Variants in GLRA3 observed in about 807,000 individuals in gnomAD.
The protein encoded by GLRA3 is glycine receptor alpha 3.
Under a neutral mutation model 60.4 loss-of-function variants are expected in GLRA3, and 44 were observed. The ratio of observed to expected loss-of-function variants is 0.73; its 90% confidence interval spans 0.57 to 0.94. GLRA3 has a LOEUF of 0.94. Ranked by LOEUF, GLRA3 falls within the 40% of genes least tolerant of loss-of-function variation. The pLI, the probability that GLRA3 is intolerant of heterozygous loss-of-function variation, is 0.00. For synonymous variants in GLRA3, 223 were observed against 192.9 expected, an observed-to-expected ratio of 1.16 and a Z score of -1.29; for missense variants, 508 against 564.6, an observed-to-expected ratio of 0.90 and a Z score of 1.02.
chr4:174,781,591 G>C (rs1267627366), intron 2 of GLRA3, among the ~76,000 whole-genome samples: 1 of 149,952 alleles, frequency 6.7e-6, no homozygotes, highest in African/African-American at 2.5e-5. Context: ...GAAAAAAAGA[G>C]AGAAGAATCA....
At chr4:174,774,352 ATGTGTGTGTGTATGTG>A (rs927273667) in intron 2 of GLRA3, among the ~76,000 whole-genome samples, 3 of 147,038 alleles carry the variant, frequency 2.0e-5, no homozygotes, top group Non-Finnish European at 4.6e-5. Context: ...GTGTAAATGT[ATGTGTGTGTGTATGTG>A]TGTGTGTGTG....
chr4:174,645,009 A>G (rs1732761067), intron 9 of GLRA3, among the ~76,000 whole-genome samples: 2 of 152,034 alleles, frequency 1.3e-5, no homozygotes, highest in Admixed American at 6.6e-5. Flanking sequence ...TTATTTGGCT[A>G]CTAAATTGAA....
At position 174,805,527 on chromosome 4, in the gene GLRA3, G is replaced by A. The variant is rs369661999; in HGVS notation, c.72-16584C>T. Among the ~76,000 whole-genome samples, 6 of 152,024 alleles carry A rather than the reference G, an allele frequency of 3.9e-5. No individual in the cohort carries two copies. In the East Asian group the frequency reaches 5.8e-4, roughly 15 times the overall value. On this transcript the variant is annotated intron_variant, in intron 1 of 9. Coordinates refer to ENST00000274093, the MANE Select transcript of GLRA3 (RefSeq NM_006529.4). Reference sequence around the variant, plus strand: ...ATTTCACTGAGCCATCTTGGAATCAGCTTCTCTATTTCAGTCAAGACTTCC... The same window carrying A: ...ATTTCACTGAGCCATCTTGGAATCAACTTCTCTATTTCAGTCAAGACTTCC...
intron 5 of GLRA3, among the ~76,000 whole-genome samples, chr4:174,715,248 A>G (rs1451364319): frequency 6.6e-6 from 1 of 152,230 alleles, no homozygotes; most frequent in African/African-American, 2.4e-5. Context: ...GGAAACACAT[A>G]TCTAAATATC....
chr4:174,699,550 G>A (rs2111042139), intron 5 of GLRA3, among the ~76,000 whole-genome samples: 2 of 152,192 alleles, frequency 1.3e-5, no homozygotes, highest in Middle Eastern at 6.8e-3. Context: ...ATGCAGGAAA[G>A]CACTAATTCC....
At chr4:174,802,675 G>A (rs1739863930) in intron 1 of GLRA3, among the ~76,000 whole-genome samples, 1 of 151,894 alleles carries the variant, frequency 6.6e-6, no homozygotes, top group African/African-American at 2.4e-5. Flanking sequence ...GTGAGCAATG[G>A]GATCTAAACT....
intron 7 of GLRA3, among the ~76,000 whole-genome samples, chr4:174,666,972 C>T (rs941635645): frequency 6.6e-6 from 1 of 151,934 alleles, no homozygotes; most frequent in East Asian, 1.9e-4. Flanking sequence ...CAAACAACCA[C>T]AAAATTTCAC....
At chr4:174,653,877 G>C (rs28413965) in intron 9 of GLRA3, among the ~76,000 whole-genome samples, 1 of 151,860 alleles carries the variant, frequency 6.6e-6, no homozygotes, top group Non-Finnish European at 1.5e-5. Flanking sequence ...GATTTTCAGA[G>C]AATATAGCTA....
chr4:174,645,604 A>T (rs1318667617), intron 9 of GLRA3, among the ~76,000 whole-genome samples: 1 of 152,116 alleles, frequency 6.6e-6, no homozygotes, highest in Non-Finnish European at 1.5e-5. Flanking sequence ...AAGTAACGTG[A>T]TTCCACCTGC....
At position 174,786,202 on chromosome 4, in the gene GLRA3, T is replaced by A. The variant is rs550335119; in HGVS notation, c.199+2614A>T. Among the ~76,000 whole-genome samples the A allele has an allele frequency of 2.0e-5, 3 of 152,262 alleles. No homozygotes were observed. In the South Asian group the frequency reaches 6.2e-4, roughly 32 times the overall value. ...AGGAAAGCATACATAACACCAATTT[T>A]AAATTAGTTCATTTGATGAGCTAAC... On this transcript the variant is annotated intron_variant, in intron 2 of 9. Transcript: ENST00000274093.
intron 9 of GLRA3, among the ~76,000 whole-genome samples, chr4:174,651,573 T>A (rs12507854): frequency 6.6e-6 from 1 of 152,008 alleles, no homozygotes; most frequent in Non-Finnish European, 1.5e-5. Flanking sequence ...TGTTTTAAAC[T>A]CAGAGTAACC....
chr4:174,655,425 T>A (rs1337078240), intron 9 of GLRA3, among the ~76,000 whole-genome samples: 3 of 152,250 alleles, frequency 2.0e-5, no homozygotes, highest in Non-Finnish European at 4.4e-5. Flanking sequence ...GTTTCTTCTA[T>A]AAAAATAAGA....
At chr4:174,683,657 G>A (rs1734443264) in intron 5 of GLRA3, among the ~76,000 whole-genome samples, 1 of 151,994 alleles carries the variant, frequency 6.6e-6, no homozygotes, top group African/African-American at 2.4e-5. Flanking sequence ...ACAGAAAAAT[G>A]ACTTAAACTT....
intron 3 of GLRA3, among the ~76,000 whole-genome samples, chr4:174,765,615 T>C (rs543041195): frequency 6.6e-6 from 1 of 152,126 alleles, no homozygotes; most frequent in East Asian, 1.9e-4. Flanking sequence ...TATGTACAAA[T>C]GTTGGGTATA....
At chr4:174,799,211 AC>A (rs1405217130) in intron 1 of GLRA3, among the ~76,000 whole-genome samples, 1 of 152,236 alleles carries the variant, frequency 6.6e-6, no homozygotes, top group Admixed American at 6.5e-5. Flanking sequence ...CCTATGGATT[AC>A]AGATGAAGAA....
Position 174,656,740 on chromosome 4 carries a change from T to G in GLRA3, c.1116+3A>C. On this transcript the variant is annotated splice_donor_region_variant and intron_variant, in intron 9 of 9. Transcript: ENST00000274093. Reference sequence around the variant, plus strand: ...CTATTTAGAGTTAAGAAAGTCAATTTACCATATCTGAGAAACGGTAAAACT... The same window carrying G: ...CTATTTAGAGTTAAGAAAGTCAATTGACCATATCTGAGAAACGGTAAAACT... 3 of 1,534,438 alleles carry G rather than the reference T, an allele frequency of 2.0e-6. No homozygotes were observed. The highest frequency in any genetic ancestry group is 2.7e-6 in the Non-Finnish European group (3 of 1,107,856).
chr4:174,724,528 A>T (rs1016792489), intron 4 of GLRA3, among the ~76,000 whole-genome samples: 3 of 152,082 alleles, frequency 2.0e-5, no homozygotes, highest in Non-Finnish European at 4.4e-5. Flanking sequence ...CTGTCTTATA[A>T]TTTTTGCTTG....
rs72996765 is a variant in GLRA3, at chr4:174,642,660, C to T, written c.*1126G>A. ...TTGCGAATGGCTTAGATTTTGAAAT[C>T]ATTAATTCAGAAATAGAAAAAGAGT... is the stretch of plus-strand genomic sequence containing the variant. On this transcript the variant is annotated 3_prime_UTR_variant, in exon 10 of 10. Transcript: ENST00000274093. The T allele has an allele frequency of 3.7e-4, 288 of 784,140 alleles. 3 individuals are homozygous for T. In the African/African-American group the frequency reaches 5.1e-3, roughly 14 times the overall value. The allele number at this position is 784,140 out of a possible 1,614,324, so 48.6% of individuals were successfully genotyped here. A position where few individuals can be genotyped will look rare whatever the true frequency, so the allele number is the denominator to read the frequency against.
intron 5 of GLRA3, among the ~76,000 whole-genome samples, chr4:174,701,075 C>T (rs999221990): frequency 6.6e-6 from 1 of 152,174 alleles, no homozygotes; most frequent in African/African-American, 2.4e-5. Flanking sequence ...ATGAAACAAT[C>T]TTCTATTGGA....
Sources: gnomAD v4.1 joint callset for allele counts (sites outside exome capture counted in the v4.1 genomes callset) on GRCh38, gnomAD v4.1.1 for gene constraint, MANE v1.5 for transcripts, NCBI Gene and HGNC (gene_info 2026-07-23, HGNC 2026-07-21) for gene names.